Variants in OASL observed in about 807,000 individuals in gnomAD.
The protein encoded by OASL is 2'-5'-oligoadenylate synthase-like protein.
A neutral mutation model predicts 35.3 loss-of-function variants in OASL; 28 were observed. That is an observed-to-expected ratio of 0.79 (90% CI 0.59 to 1.09). The LOEUF (loss-of-function observed/expected upper bound fraction) is 1.09. OASL is among the 50% of genes least tolerant of loss of function. The probability of loss-of-function intolerance (pLI) is 0.00; values close to 1 mark genes in which losing one functional copy is unlikely to be tolerated. For missense variants in OASL, 620 were observed against 635.2 expected (o/e 0.98, Z 0.26); for synonymous variants, 252 against 254.6 (o/e 0.99, Z 0.10).
intron 5 of OASL, 101 bp from the exon 6 acceptor site, chr12:121,021,159 A>G (rs771574905): frequency 1.6e-5 from 19 of 1,214,032 alleles, no homozygotes; most frequent in Admixed American, 2.8e-5. Flanking sequence ...TAGTAGCAGC[A>G]GCAGCGGCAG....
At chr12:121,024,006 G>C in exon 5 of OASL, 1 of 1,614,146 alleles carries the variant, frequency 6.2e-7, no homozygotes, top group Non-Finnish European at 8.5e-7. Context: ...GTTCCAGCTG[G>C]AGATGGGGTT....
intron 3 of OASL, among the ~76,000 whole-genome samples, chr12:121,029,385 T>A (rs1255989709): frequency 1.3e-5 from 2 of 152,162 alleles, no homozygotes; most frequent in Non-Finnish European, 2.9e-5. Flanking sequence ...AAATTCAATT[T>A]TGAATTAAAA....
rs1869973298 is a variant in OASL at position 121,036,750 on chromosome 12, G to T, written c.198+2024C>A. Among the ~76,000 whole-genome samples, 3 of 152,286 alleles carry T rather than the reference G, an allele frequency of 2.0e-5. No individual in the cohort carries two copies. In the South Asian group the frequency reaches 6.2e-4, roughly 32 times the overall value. On this transcript the variant is annotated intron_variant, in intron 1 of 5. Coordinates refer to ENST00000257570, the Ensembl canonical transcript of OASL. ...TATTCTCAAGTTTGTTGGGGAGGGG[G>T]TGGTCTAGGAGGGTCTGCCAGAGTC...
intron 5 of OASL, among the ~76,000 whole-genome samples, chr12:121,023,287 C>CTTTTTTTTTTTTTTT (rs768266698): frequency 8.1e-6 from 1 of 123,264 alleles, no homozygotes; most frequent in Non-Finnish European, 1.7e-5. Context: ...TTTTTTTTTT[C>CTTTTTTTTTTTTTTT]TTTTTTTCTT....
At chr12:121,033,926 G>A (rs1438533764) in intron 1 of OASL, among the ~76,000 whole-genome samples, 183 bp from the exon 2 acceptor site, 2 of 152,168 alleles carry the variant, frequency 1.3e-5, no homozygotes, top group Non-Finnish European at 2.9e-5. Flanking sequence ...CTCGAGACAT[G>A]GGATGGAGAA....
chr12:121,031,336 C>T, intron 3 of OASL, 106 bp downstream of exon 3: 1 of 1,101,938 alleles, frequency 9.1e-7, no homozygotes, highest in Non-Finnish European at 1.3e-6. Context: ...TCTCTACCTG[C>T]TTCCATTTCC....
intron 5 of OASL, among the ~76,000 whole-genome samples, chr12:121,023,450 G>C (rs1435649217): frequency 6.6e-6 from 1 of 151,002 alleles, no homozygotes; most frequent in African/African-American, 2.4e-5. Context: ...CACCACGCCC[G>C]CCTAATTTTG....
intron 1 of OASL, among the ~76,000 whole-genome samples, chr12:121,037,779 A>C (rs1429060120): frequency 6.7e-6 from 1 of 149,436 alleles, no homozygotes; most frequent in Non-Finnish European, 1.5e-5. Flanking sequence ...TCAAAAAAAA[A>C]AAAACAAAAA....
intron 4 of OASL, among the ~76,000 whole-genome samples, chr12:121,024,633 T>C (rs1049512323): frequency 2.0e-5 from 3 of 151,884 alleles, no homozygotes; most frequent in African/African-American, 7.3e-5. Flanking sequence ...AAAAAATTCT[T>C]CTTCTTTGGG....
exon 5 of OASL, chr12:121,024,106 G>T (rs1869377468): frequency 6.2e-7 from 1 of 1,614,050 alleles, no homozygotes; most frequent in African/African-American, 1.3e-5. Context: ...GCCACGTTGA[G>T]GGTGGGGTCG....
intron 3 of OASL, among the ~76,000 whole-genome samples, chr12:121,030,138 G>A (rs1286809753): frequency 6.6e-6 from 1 of 152,158 alleles, no homozygotes; most frequent in African/African-American, 2.4e-5. Flanking sequence ...GCCTCCTAAA[G>A]TGCTGAAATT....
At chr12:121,020,932 G>T in exon 6 of OASL, 1 of 1,614,206 alleles carries the variant, frequency 6.2e-7, no homozygotes, top group Non-Finnish European at 8.5e-7. Context: ...AGACGCTGCA[G>T]GCCAGAGTAG....
chr12:121,018,929 T>TGTGAAGA (rs1366550788), downstream of OASL, among the ~76,000 whole-genome samples: 1 of 148,696 alleles, frequency 6.7e-6, no homozygotes, highest in African/African-American at 2.5e-5. Context: ...TCTTCTACCA[T>TGTGAAGA]GTGAAGACTT....
chr12:121,035,257 T>A (rs1363214600), intron 1 of OASL, among the ~76,000 whole-genome samples: 1 of 152,088 alleles, frequency 6.6e-6, no homozygotes, highest in East Asian at 1.9e-4. Flanking sequence ...CCAGGCATGA[T>A]GGCTCATGCC....
At chr12:121,027,282 C>T (rs1048390029) in intron 4 of OASL, among the ~76,000 whole-genome samples, 3 of 140,092 alleles carry the variant, frequency 2.1e-5, no homozygotes, top group African/African-American at 7.5e-5. Flanking sequence ...TCCATTTTCC[C>T]ATGCTAGCTC....
At chr12:121,025,266 G>A (rs775763937) in intron 4 of OASL, among the ~76,000 whole-genome samples, 23 of 151,938 alleles carry the variant, frequency 1.5e-4, no homozygotes, top group Non-Finnish European at 2.9e-4. Context: ...ATGAGCCACC[G>A]GTGCCCGGCC....
chr12:121,033,367 G>T (rs1869818591), intron 2 of OASL, 94 bp downstream of exon 2: 1 of 1,231,166 alleles, frequency 8.1e-7, no homozygotes, highest in Non-Finnish European at 1.2e-6. Context: ...AATAAATGTG[G>T]GTGTGTGCAC....
chr12:121,024,133 T>C (rs758622815), exon 5 of OASL: 1 of 1,613,898 alleles, frequency 6.2e-7, no homozygotes, highest in South Asian at 1.1e-5. Flanking sequence ...TCCAGGATGA[T>C]GGGCCTGTAA....
exon 6 of OASL, chr12:121,020,521 G>T: frequency 1.3e-6 from 2 of 1,555,184 alleles, no homozygotes. Flanking sequence ...GAGTTCTGGA[G>T]TACATGGCAG....
Sources: allele counts gnomAD v4.1 joint callset (sites outside exome capture counted in the v4.1 genomes callset), GRCh38; gene constraint gnomAD v4.1.1; transcripts MANE v1.5; gene names NCBI Gene and HGNC (gene_info 2026-07-23, HGNC 2026-07-21).